Variants in TNS3 observed in about 807,000 individuals in gnomAD.
TNS3 encodes tensin-3.
Under a neutral mutation model 140.9 loss-of-function variants are expected in TNS3, and 45 were observed. The ratio of observed to expected loss-of-function variants is 0.32; its 90% CI spans 0.25 to 0.41. TNS3 has a LOEUF of 0.41. TNS3 is among the 10% of genes least tolerant of loss of function. The probability of loss-of-function intolerance (pLI) is 1.00; values close to 1 mark genes in which losing one functional copy is unlikely to be tolerated. For synonymous variants in TNS3, 815 were observed against 788.4 expected (o/e 1.03, Z -0.56); for missense variants, 1,716 against 1,906.7 (o/e 0.90, Z 1.86).
chr7:47,562,252 C>G (rs1355734267), intron 1 of TNS3, among the ~76,000 whole-genome samples: 1 of 152,074 alleles, frequency 6.6e-6, no homozygotes. Flanking sequence ...CATTTTTCCT[C>G]AACAGAGTTC....
chr7:47,490,507 G>T (rs183913616), intron 3 of TNS3, among the ~76,000 whole-genome samples: 1 of 152,208 alleles, frequency 6.6e-6, no homozygotes, highest in Non-Finnish European at 1.5e-5. Context: ...GTCTGGGCTC[G>T]TCCTGGGTTT....
chr7:47,516,579 C>T (rs1584799213), intron 2 of TNS3, among the ~76,000 whole-genome samples: 1 of 152,202 alleles, frequency 6.6e-6, no homozygotes, highest in Admixed American at 6.5e-5. Flanking sequence ...CCGTTCTACA[C>T]CCACAGTGAC....
Position 47,400,871 on chromosome 7 carries a change from A to C in TNS3, c.767T>G (p.Val256Gly). 6.2e-7 allele frequency: 1 copy of C among 1,614,236 alleles called. No homozygotes were observed. Among genetic ancestry groups the C allele is most frequent in the South Asian group, 1.1e-5 (1 of 91,088 alleles). ...AGTGTGAAACTGCAGGCGGAAAATG[A>C]CGTCACGGGTGGCCGAGCGGTATTT... ...HKKYRSATRD[V>G]IFRLQFHTGA... is the part of the protein sequence containing the mutation. Residue 256 changes from valine to glycine, a missense_variant, in exon 14 of 31, where the codon GTC (valine) becomes GGC (glycine). Transcript: ENST00000311160.
intron 3 of TNS3, among the ~76,000 whole-genome samples, chr7:47,495,052 C>T (rs1238017634): frequency 6.6e-6 from 1 of 151,952 alleles, no homozygotes; most frequent in Admixed American, 6.6e-5. Context: ...TAGAAACGTT[C>T]TTCTCCCCGG....
intron 16 of TNS3, among the ~76,000 whole-genome samples, chr7:47,390,053 T>C (rs1792421028): frequency 6.6e-6 from 1 of 152,292 alleles, no homozygotes; most frequent in South Asian, 2.1e-4. Flanking sequence ...CTGAATACCA[T>C]GCAAAGAGCC....
intron 2 of TNS3, among the ~76,000 whole-genome samples, chr7:47,522,314 C>G (rs1403042342): frequency 6.6e-6 from 1 of 152,192 alleles, no homozygotes; most frequent in Non-Finnish European, 1.5e-5. Context: ...ATCTGCCCAC[C>G]TCTGAGCCGC....
chr7:47,555,123 G>A (rs1260432774), intron 1 of TNS3, among the ~76,000 whole-genome samples: 1 of 152,028 alleles, frequency 6.6e-6, no homozygotes. Flanking sequence ...AAATGTGGTC[G>A]GGCGTGGTGG....
chr7:47,358,452 A>G (rs546239478), intron 17 of TNS3, among the ~76,000 whole-genome samples: 5 of 152,276 alleles, frequency 3.3e-5, no homozygotes, highest in Admixed American at 2.0e-4. Flanking sequence ...TTCCTCTTTT[A>G]ATCACTGTGG....
intron 2 of TNS3, among the ~76,000 whole-genome samples, chr7:47,518,756 G>A (rs1011216076): frequency 6.6e-6 from 1 of 152,216 alleles, no homozygotes; most frequent in East Asian, 1.9e-4. Flanking sequence ...CACGTGCTCA[G>A]ACATGAATCT....
At chr7:47,383,896 G>C (rs976762223) in intron 16 of TNS3, among the ~76,000 whole-genome samples, 27 of 152,208 alleles carry the variant, frequency 1.8e-4, no homozygotes, top group Non-Finnish European at 2.5e-4. Context: ...TGTGGCTTCT[G>C]AGGAGGCCAT....
intron 17 of TNS3, among the ~76,000 whole-genome samples, chr7:47,351,127 C>T (rs78770725): frequency 0.031 from 4,712 of 152,214 alleles, 88 homozygotes; most frequent in Non-Finnish European, 0.045. Context: ...AGGAACAAAG[C>T]TTCTTTTATT....
In TNS3 at chr7:47,529,122, T is replaced by G. The variant is rs1022266686; in HGVS notation, c.-239A>C. The G allele has an allele frequency of 7.8e-6, 10 of 1,286,846 alleles. No homozygotes were observed. In the Admixed American group the frequency reaches 2.1e-4, roughly 27 times the overall value. 79.7% of individuals were successfully genotyped at this position (1,286,846 alleles called of 1,614,324 possible). A position where few individuals can be genotyped will look rare whatever the true frequency, so the allele number is the denominator to read the frequency against. On this transcript the variant is annotated 5_prime_UTR_variant, in exon 2 of 31. Transcript: ENST00000311160. ...TTTAAAGGCCTTGTTCTTAAAAGCG[T>G]GCAGACTCGAGGTTAATTCTTCCGG...
In TNS3 at chr7:47,389,067, A is replaced by AGG. The variant is rs1562675004; in HGVS notation, c.1024+7732_1024+7733insCC. On this transcript the variant is annotated intron_variant, in intron 16 of 30. Coordinates refer to ENST00000311160, the MANE Select transcript of TNS3 (RefSeq NM_022748.12). ...GAAGAAGAAGAAGAAGAAGAAGAAG[A>AGG]AGAAGAAGAAGAAGAAGAGGAAGAG... Among the ~76,000 whole-genome samples, 19 of 73,994 alleles carry AGG rather than the reference A, an allele frequency of 2.6e-4. 1 individual carries two copies. The highest frequency in any genetic ancestry group is 1.3e-3 in the South Asian group (2 of 1,544). 48.5% of individuals were successfully genotyped at this position (73,994 alleles called of 152,430 possible).
intron 3 of TNS3, among the ~76,000 whole-genome samples, chr7:47,498,362 C>T (rs549519152): frequency 2.5e-4 from 38 of 152,292 alleles, no homozygotes; most frequent in Admixed American, 8.5e-4. Context: ...GATGCAGGGA[C>T]CCACATTCTC....
intron 20 of TNS3, among the ~76,000 whole-genome samples, chr7:47,319,089 G>A (rs1214964511): frequency 6.6e-6 from 1 of 152,194 alleles, no homozygotes; most frequent in Non-Finnish European, 1.5e-5. Context: ...AGGAGTCCTG[G>A]TCCAGGATCA....
intron 20 of TNS3, among the ~76,000 whole-genome samples, chr7:47,339,798 T>C (rs1016940527): frequency 2.0e-5 from 3 of 152,136 alleles, no homozygotes; most frequent in Admixed American, 2.0e-4. Context: ...CTCTACTAGG[T>C]TGAGTTTTCC....
rs879172477 is a variant in TNS3, at chr7:47,275,501, C to A, written c.*2575G>T. The A allele has an allele frequency of 3.2e-6, 1 of 308,432 alleles. No homozygotes were observed. Among genetic ancestry groups the A allele is most frequent in the Non-Finnish European group, 6.4e-6 (1 of 157,056 alleles). 19.1% of individuals were successfully genotyped at this position (308,432 alleles called of 1,614,324 possible). ...CCCAGGGCAGTACGTGCCTGTCCAG[C>A]GGGAGCCCTGGAGACAAAATGCCTG... On this transcript the variant is annotated 3_prime_UTR_variant, in exon 31 of 31. Coordinates refer to ENST00000311160, the MANE Select transcript of TNS3 (RefSeq NM_022748.12).
At chr7:47,493,931 T>G (rs1279288093) in intron 3 of TNS3, among the ~76,000 whole-genome samples, 1 of 152,196 alleles carries the variant, frequency 6.6e-6, no homozygotes, top group Non-Finnish European at 1.5e-5. Context: ...AATGGCCAAC[T>G]GGCCAACTCT....
intron 24 of TNS3, 133 bp downstream of exon 24, chr7:47,296,949 T>G: frequency 8.4e-7 from 1 of 1,191,976 alleles, no homozygotes; most frequent in Non-Finnish European, 1.2e-6. Flanking sequence ...AAAATATACC[T>G]GAAAAAATAA....
Sources: allele counts gnomAD v4.1 joint callset (sites outside exome capture counted in the v4.1 genomes callset), GRCh38; gene constraint gnomAD v4.1.1; transcripts MANE v1.5; gene names NCBI Gene and HGNC (gene_info 2026-07-23, HGNC 2026-07-21).